UVRAG: variants seen among roughly 807,000 people sequenced by gnomAD.
UVRAG encodes UV radiation resistance associated.
In UVRAG, 19 loss-of-function variants were observed where a neutral mutation model predicts 78.0. The observed-to-expected ratio is 0.24, with a 90% CI of 0.17 to 0.36. The LOEUF (loss-of-function observed/expected upper bound fraction) is 0.36, where lower values mean the gene tolerates loss of function less well. Ranked by LOEUF, UVRAG falls within the 10% of genes least tolerant of loss-of-function variation. The pLI is 1.00. For synonymous variants in UVRAG, 323 were observed against 324.6 expected (o/e 1.00, Z 0.05); for missense variants, 740 against 853.8 (o/e 0.87, Z 1.66).
intron 7 of UVRAG, among the ~76,000 whole-genome samples, chr11:75,980,399 C>A (rs1446081012): frequency 1.3e-5 from 2 of 152,196 alleles, no homozygotes; most frequent in East Asian, 3.9e-4. Flanking sequence ...CTTCTGGGCT[C>A]AAGCAATCCT....
intron 5 of UVRAG, chr11:75,892,353 G>A: frequency 1.0e-6 from 1 of 985,452 alleles, no homozygotes; most frequent in Non-Finnish European, 1.2e-6. Context: ...GAGAAATGGA[G>A]TGGGGCATTT....
intron 6 of UVRAG, among the ~76,000 whole-genome samples, chr11:75,960,548 C>T (rs945293027): frequency 1.3e-5 from 2 of 152,132 alleles, no homozygotes; most frequent in Admixed American, 1.3e-4. Flanking sequence ...GGGCACATTG[C>T]TTGAACACAG....
intron 8 of UVRAG, among the ~76,000 whole-genome samples, chr11:76,003,295 A>G (rs1949858256): frequency 9.1e-6 from 1 of 109,426 alleles, no homozygotes; most frequent in Non-Finnish European, 1.7e-5. Context: ...TTTTGGAGAC[A>G]GAGTCTCGTT....
intron 8 of UVRAG, among the ~76,000 whole-genome samples, chr11:75,995,463 A>C (rs1949688216): frequency 1.3e-5 from 2 of 151,072 alleles, no homozygotes; most frequent in Admixed American, 6.6e-5. Flanking sequence ...TTTTATGTGA[A>C]GTTCCCATCA....
At chr11:76,075,467 G>T (rs768395717) in intron 13 of UVRAG, among the ~76,000 whole-genome samples, 17 of 152,018 alleles carry the variant, frequency 1.1e-4, no homozygotes, top group Middle Eastern at 3.2e-3. Context: ...ACAAAAATTA[G>T]CCGGGCAGGG....
chr11:75,992,773 A>G (rs949919127), intron 8 of UVRAG, among the ~76,000 whole-genome samples: 1 of 152,240 alleles, frequency 6.6e-6, no homozygotes, highest in African/African-American at 2.4e-5. Flanking sequence ...GTACATTTAC[A>G]TGAAGGTACT....
chr11:76,028,807 G>A (rs1950379440), intron 12 of UVRAG, among the ~76,000 whole-genome samples: 1 of 152,136 alleles, frequency 6.6e-6, no homozygotes, highest in Non-Finnish European at 1.5e-5. Context: ...AGAAGTACAA[G>A]GTGAAGCAGG....
chr11:75,958,534 G>A lies in UVRAG; in HGVS notation c.594-2910G>A, dbSNP rs116146850. 3.8e-3 allele frequency among the ~76,000 whole-genome samples: 574 copies of A among 152,138 alleles called. 2 individuals are homozygous for A. Among genetic ancestry groups the A allele is most frequent in the African/African-American group, 0.013 (538 of 41,494 alleles). On this transcript the variant is annotated intron_variant, in intron 6 of 14. Coordinates refer to ENST00000356136, the MANE Select transcript of UVRAG (RefSeq NM_003369.4). ...CACAGCAATTCAGTCACATCTTCAG[G>A]CTCCTCTTATAATTCTAATTCTCTT...
At chr11:76,088,477 C>T (rs1951633526) in intron 13 of UVRAG, among the ~76,000 whole-genome samples, 1 of 149,902 alleles carries the variant, frequency 6.7e-6, no homozygotes, top group African/African-American at 2.5e-5. Context: ...CCCCAACCCC[C>T]ACTTCCGCCC....
At chr11:76,137,403 GC>G (rs1304946753) in intron 14 of UVRAG, 2 of 456,094 alleles carry the variant, frequency 4.4e-6, no homozygotes, top group African/African-American at 4.0e-5. Flanking sequence ...CATATCAGTG[GC>G]CCAGAGGCAA....
chr11:75,992,533 C>G (rs1489738235), intron 8 of UVRAG, among the ~76,000 whole-genome samples: 1 of 152,140 alleles, frequency 6.6e-6, no homozygotes. Context: ...TGGCTTCACT[C>G]TTATTCCCAT....
At chr11:76,133,522 G>T (rs1952548026) in intron 14 of UVRAG, among the ~76,000 whole-genome samples, 2 of 152,164 alleles carry the variant, frequency 1.3e-5, no homozygotes, top group African/African-American at 4.8e-5. Flanking sequence ...AGGAAACTGG[G>T]CTCTACCAGT....
chr11:75,958,382 AT>A (rs1221357027), intron 6 of UVRAG, among the ~76,000 whole-genome samples: 1 of 152,052 alleles, frequency 6.6e-6, no homozygotes, highest in African/African-American at 2.4e-5. Context: ...GATGGCGTAA[AT>A]TTTTTGTTGT....
intron 3 of UVRAG, chr11:75,878,414 C>G (rs546776543): frequency 3.9e-5 from 6 of 152,306 alleles, no homozygotes; most frequent in African/African-American, 1.3e-4. Flanking sequence ...ACATCCCAGA[C>G]GATGGGCGGC....
chr11:75,906,787 C>T (rs942782370), intron 5 of UVRAG, among the ~76,000 whole-genome samples: 4 of 152,080 alleles, frequency 2.6e-5, no homozygotes, highest in Non-Finnish European at 5.9e-5. Flanking sequence ...GACTTATTTC[C>T]CCATTGAGTA....
At chr11:75,859,957 ATTTAT>A (rs1946381520) in intron 2 of UVRAG, among the ~76,000 whole-genome samples, 1 of 152,042 alleles carries the variant, frequency 6.6e-6, no homozygotes, top group Non-Finnish European at 1.5e-5. Context: ...TTATTTATTT[ATTTAT>A]TTTGAGATGG....
chr11:75,991,657 A>G (rs1443813926), intron 8 of UVRAG, among the ~76,000 whole-genome samples: 1 of 152,182 alleles, frequency 6.6e-6, no homozygotes, highest in Admixed American at 6.5e-5. Flanking sequence ...ATCACTGAAT[A>G]ATACTACATT....
chr11:76,047,490 T>C (rs1025626793), intron 12 of UVRAG, among the ~76,000 whole-genome samples: 4 of 152,218 alleles, frequency 2.6e-5, no homozygotes, highest in African/African-American at 7.2e-5. Context: ...TGCTGAGTTA[T>C]ATTGTGGTTC....
intron 1 of UVRAG, among the ~76,000 whole-genome samples, chr11:75,850,503 A>C (rs191875619): frequency 2.2e-4 from 34 of 152,264 alleles, no homozygotes; most frequent in Admixed American, 1.9e-3. Flanking sequence ...TGGTATATAG[A>C]GAAGTTAGAC....
Sources: gnomAD v4.1 joint callset for allele counts (sites outside exome capture counted in the v4.1 genomes callset) on GRCh38, gnomAD v4.1.1 for gene constraint, MANE v1.5 for transcripts, NCBI Gene and HGNC (gene_info 2026-07-23, HGNC 2026-07-21) for gene names.